The following HRH1 variants were observed in gnomAD, a reference collection of about 807,000 sequenced individuals.
HRH1 encodes the protein histamine H1 receptor.
HRH1 carries 6 observed loss-of-function variants against 10.3 expected under a neutral mutation model. That is an observed-to-expected ratio of 0.58 (90% CI 0.32 to 1.15). The LOEUF is 1.15. Among genes scored for constraint, HRH1 ranks in the 50% most tolerant of loss-of-function variants. The pLI, the probability that HRH1 is intolerant of heterozygous loss-of-function variation, is 0.05. For missense variants in HRH1, 514 were observed against 615.3 expected (o/e 0.84, Z 1.74); for synonymous variants, 242 against 236.7 (o/e 1.02, Z -0.21).
chr3:11,170,994 T>G (rs1266351652), intron 1 of HRH1, among the ~76,000 whole-genome samples: 1 of 152,138 alleles, frequency 6.6e-6, no homozygotes, highest in Non-Finnish European at 1.5e-5. Context: ...AGACCTTTCA[T>G]AATTAGGGAT....
intron 1 of HRH1, among the ~76,000 whole-genome samples, chr3:11,171,101 G>A (rs1198815637): frequency 6.7e-6 from 1 of 149,670 alleles, no homozygotes; most frequent in African/African-American, 2.5e-5. Context: ...CAGTTGCAGG[G>A]TTTTGGGGTT....
At chr3:11,179,196 G>A (rs1284081938) in intron 1 of HRH1, among the ~76,000 whole-genome samples, 5 of 152,170 alleles carry the variant, frequency 3.3e-5, no homozygotes, top group Non-Finnish European at 7.3e-5. Context: ...GCCGAGGCAG[G>A]AGAATCGCTG....
At chr3:11,237,908 C>T (rs1380378612) in intron 1 of HRH1, among the ~76,000 whole-genome samples, 4 of 152,042 alleles carry the variant, frequency 2.6e-5, no homozygotes, top group South Asian at 2.1e-4. Context: ...GAACTCCTGA[C>T]CTTGTGATCT....
chr3:11,144,482 T>TATACATATAGACATATAGAC (rs1936384136), intron 1 of HRH1, among the ~76,000 whole-genome samples: 2 of 9,794 alleles, frequency 2.0e-4, no homozygotes, highest in African/African-American at 3.8e-4. Context: ...GACATATATA[T>TATACATATAGACATATAGAC]ACACACACAC....
At chr3:11,258,242 C>CAAAA (rs33992856) in intron 1 of HRH1, among the ~76,000 whole-genome samples, 56 of 76,286 alleles carry the variant, frequency 7.3e-4, no homozygotes, top group East Asian at 1.6e-3. Flanking sequence ...TGATGTAAGC[C>CAAAA]AAAAAAAAAA....
rs1559289847 is a variant in HRH1 at position 11,260,408 on chromosome 3, C to T, written c.1371C>T (p.Gly457=). 1 of 1,614,108 alleles carries T rather than the reference C, an allele frequency of 6.2e-7. No individual in the cohort carries two copies. Among genetic ancestry groups the T allele is most frequent in the South Asian group, 1.1e-5 (1 of 91,084 alleles). ...EHLHMFTIWL[G]YINSTLNPLI... The stretch of plus-strand genomic sequence containing the variant: ...TGCACATGTTCACCATCTGGCTGGG[C>T]TACATCAACTCCACACTGAACCCCC... Residue 457 remains glycine (G), a synonymous_variant, in exon 2 of 2, where the codon GGC becomes GGT. Transcript: ENST00000431010.
intron 1 of HRH1, among the ~76,000 whole-genome samples, chr3:11,144,763 A>G (rs1001447630): frequency 1.3e-5 from 2 of 152,016 alleles, no homozygotes; most frequent in African/African-American, 2.4e-5. Flanking sequence ...GACAACACTT[A>G]TAAATGTAGC....
At chr3:11,230,794 G>GT (rs61276364) in intron 1 of HRH1, among the ~76,000 whole-genome samples, 3,574 of 151,718 alleles carry the variant, frequency 0.024, 149 homozygotes, top group African/African-American at 0.082. Context: ...ATCAATATGA[G>GT]TTTTTTTTTA....
upstream of HRH1, among the ~76,000 whole-genome samples, chr3:11,150,496 G>A (rs1049337618): frequency 3.3e-5 from 5 of 152,262 alleles, no homozygotes; most frequent in African/African-American, 9.6e-5. Flanking sequence ...CTCCCTGCCC[G>A]GACATCTCCG....
At chr3:11,222,498 C>G (rs994102834) in intron 1 of HRH1, among the ~76,000 whole-genome samples, 1 of 152,176 alleles carries the variant, frequency 6.6e-6, no homozygotes. Context: ...CCAGCAAGTT[C>G]ACAGCACTAT....
chr3:11,168,713 G>C (rs1376767342), intron 1 of HRH1, among the ~76,000 whole-genome samples: 1 of 152,232 alleles, frequency 6.6e-6, no homozygotes, highest in Admixed American at 6.5e-5. Flanking sequence ...AATGATGAGA[G>C]GTACTCCTGC....
At chr3:11,248,366 T>C (rs1939545254) in intron 1 of HRH1, among the ~76,000 whole-genome samples, 1 of 152,200 alleles carries the variant, frequency 6.6e-6, no homozygotes, top group East Asian at 1.9e-4. Context: ...GATTTTGGGC[T>C]TTGAATTCAT....
intron 1 of HRH1, among the ~76,000 whole-genome samples, chr3:11,174,180 T>A (rs1159881216): frequency 6.6e-6 from 1 of 152,272 alleles, no homozygotes; most frequent in African/African-American, 2.4e-5. Flanking sequence ...GAACTGTAGT[T>A]GTCTGTTAGT....
chr3:11,158,534 G>T lies in HRH1; in HGVS notation c.-36+3980G>T, dbSNP rs909257188. ...TCCATTGCCTTCTAGAGAGTGGAAG[G>T]TGTAGTATTTAGTCTTCCATGAACA... On this transcript the variant is annotated intron_variant, in intron 1 of 1. Coordinates refer to ENST00000431010, the MANE Select transcript of HRH1 (RefSeq NM_001098212.2). Among the ~76,000 whole-genome samples, 9 of 152,288 alleles carry T rather than the reference G, an allele frequency of 5.9e-5. 2 individuals carry two copies. The highest frequency in any genetic ancestry group is 5.9e-4 in the Admixed American group (9 of 15,294).
rs972489885 is a variant in HRH1 at position 11,196,751 on chromosome 3, A to G, written c.-36+42197A>G. On this transcript the variant is annotated intron_variant, in intron 1 of 1. Coordinates refer to ENST00000431010, the MANE Select transcript of HRH1 (RefSeq NM_001098212.2). Reference sequence around the variant, plus strand: ...GGGTATTATATCCCCAGTCATATGTAGCTGTTCAGCTAAAGTGTGATCCAT... The same window carrying G: ...GGGTATTATATCCCCAGTCATATGTGGCTGTTCAGCTAAAGTGTGATCCAT... 3.9e-5 allele frequency among the ~76,000 whole-genome samples: 6 copies of G among 152,034 alleles called. No individual in the cohort carries two copies. The East Asian group carries it at 5.8e-4, about 15-fold the overall frequency.
intron 1 of HRH1, among the ~76,000 whole-genome samples, chr3:11,190,361 A>AT (rs1400208695): frequency 1.4e-5 from 2 of 146,798 alleles, no homozygotes; most frequent in Admixed American, 6.7e-5. Flanking sequence ...ATATATATAT[A>AT]TATATTTTTT....
chr3:11,177,189 G>A (rs906696226), intron 1 of HRH1, among the ~76,000 whole-genome samples: 1 of 151,822 alleles, frequency 6.6e-6, no homozygotes, highest in African/African-American at 2.4e-5. Flanking sequence ...AGGATTGCTT[G>A]AGGCCCAGGA....
At chr3:11,183,606 G>A (rs1001851185) in intron 1 of HRH1, among the ~76,000 whole-genome samples, 2 of 152,202 alleles carry the variant, frequency 1.3e-5, no homozygotes, top group African/African-American at 4.8e-5. Context: ...CCCTGCCGGG[G>A]CGGCGGCATG....
intron 1 of HRH1, among the ~76,000 whole-genome samples, chr3:11,143,288 G>A (rs1191579826): frequency 6.6e-6 from 1 of 152,208 alleles, no homozygotes; most frequent in Admixed American, 6.5e-5. Context: ...GCTGTGTGGA[G>A]AGTGGGCTGC....
Sources: gnomAD v4.1 joint callset for allele counts (sites outside exome capture counted in the v4.1 genomes callset) on GRCh38, gnomAD v4.1.1 for gene constraint, MANE v1.5 for transcripts, NCBI Gene and HGNC (gene_info 2026-07-23, HGNC 2026-07-21) for gene names.